FYB1: variants seen among roughly 807,000 people sequenced by gnomAD.
FYB1 encodes the protein FYN-binding protein 1.
FYB1 carries 41 observed loss-of-function variants against 94.1 expected under a neutral mutation model. The observed-to-expected ratio is 0.44, with a 90% CI of 0.34 to 0.57. The LOEUF is 0.57. Ranked by LOEUF, FYB1 falls within the 20% of genes least tolerant of loss-of-function variation. The pLI, the probability that FYB1 is intolerant of heterozygous loss-of-function variation, is 0.02. For missense variants in FYB1, 1,050 were observed against 976.8 expected (o/e 1.07, Z -1.00); for synonymous variants, 367 against 353.2 (o/e 1.04, Z -0.44).
intron 10 of FYB1, among the ~76,000 whole-genome samples, chr5:39,128,435 A>T (rs1412193056): frequency 3.3e-5 from 5 of 152,112 alleles, no homozygotes; most frequent in African/African-American, 1.2e-4. Context: ...TTAGTATGAG[A>T]ACTTTAGCAC....
intron 6 of FYB1, 48 bp downstream of exon 6, chr5:39,138,609 A>C (rs1741869462): frequency 8.4e-7 from 1 of 1,188,148 alleles, no homozygotes; most frequent in South Asian, 1.3e-5. Context: ...ACAAAACATT[A>C]TATTCATCTT....
intron 6 of FYB1, 174 bp downstream of exon 6, chr5:39,138,483 C>A (rs1741860166): frequency 4.1e-6 from 2 of 487,030 alleles, no homozygotes; most frequent in Admixed American, 4.0e-5. Context: ...TTGTAGAATT[C>A]TTAGAGAACT....
chr5:39,225,617 A>T (rs1262055152), intron 1 of FYB1, among the ~76,000 whole-genome samples: 1 of 152,202 alleles, frequency 6.6e-6, no homozygotes, highest in Admixed American at 6.5e-5. Context: ...CTTGTACGAA[A>T]TTTTTCTTAT....
chr5:39,186,980 C>G (rs1362493339), intron 2 of FYB1, among the ~76,000 whole-genome samples: 2 of 152,116 alleles, frequency 1.3e-5, no homozygotes, highest in East Asian at 3.9e-4. Flanking sequence ...TACTGGAACC[C>G]AAGTCTTTCT....
intron 1 of FYB1, 51 bp from the exon 2 acceptor site, chr5:39,203,038 A>G (rs968569361): frequency 6.5e-7 from 1 of 1,527,628 alleles, no homozygotes; most frequent in East Asian, 2.2e-5. Flanking sequence ...TCTTACTTGC[A>G]CAGTTTAAAA....
At chr5:39,241,257 C>T (rs1275572321) in intron 1 of FYB1, among the ~76,000 whole-genome samples, 1 of 152,132 alleles carries the variant, frequency 6.6e-6, no homozygotes, top group Non-Finnish European at 1.5e-5. Flanking sequence ...GTACAAAAAA[C>T]CCCTGTGATG....
At chr5:39,237,536 C>T (rs1751022862) in intron 1 of FYB1, among the ~76,000 whole-genome samples, 1 of 151,904 alleles carries the variant, frequency 6.6e-6, no homozygotes, top group South Asian at 2.1e-4. Context: ...AAGATATCAT[C>T]ATTTCTTGCA....
At chr5:39,196,614 G>C (rs766509597) in intron 2 of FYB1, among the ~76,000 whole-genome samples, 1 of 152,196 alleles carries the variant, frequency 6.6e-6, no homozygotes. Context: ...GGAGCTTATA[G>C]TGGTATTTAC....
intron 2 of FYB1, among the ~76,000 whole-genome samples, chr5:39,161,352 T>A (rs928361991): frequency 1.3e-5 from 2 of 152,128 alleles, no homozygotes. Context: ...CAGTAAAACA[T>A]TTAAGAAAAT....
intron 16 of FYB1, among the ~76,000 whole-genome samples, chr5:39,114,465 T>C (rs1739350091): frequency 6.6e-6 from 1 of 152,214 alleles, no homozygotes; most frequent in Admixed American, 6.5e-5. Flanking sequence ...TTAGTTGCTA[T>C]CATTACGAAT....
chr5:39,266,429 C>T (rs555396909), intron 1 of FYB1, among the ~76,000 whole-genome samples: 1 of 152,298 alleles, frequency 6.6e-6, no homozygotes, highest in Admixed American at 6.5e-5. Flanking sequence ...TGTCCAATGC[C>T]CATCAATCTA....
chr5:39,169,324 A>G (rs1490542470), intron 2 of FYB1: 6 of 775,132 alleles, frequency 7.7e-6, no homozygotes, highest in Non-Finnish European at 7.1e-6. Flanking sequence ...GCTATGGGGT[A>G]TCTTTGGAGA....
intron 2 of FYB1, among the ~76,000 whole-genome samples, chr5:39,195,280 C>T (rs1289988872): frequency 6.6e-6 from 1 of 152,158 alleles, no homozygotes; most frequent in Non-Finnish European, 1.5e-5. Context: ...TCCTTTTTCC[C>T]TGTGGTGGCT....
intron 14 of FYB1, among the ~76,000 whole-genome samples, chr5:39,120,633 C>G (rs891234789): frequency 1.3e-5 from 2 of 152,070 alleles, no homozygotes; most frequent in African/African-American, 4.8e-5. Flanking sequence ...GAACCATTCA[C>G]TAGAGTTAAA....
intron 1 of FYB1, among the ~76,000 whole-genome samples, chr5:39,258,423 A>C (rs770525310): frequency 1.3e-5 from 2 of 152,152 alleles, no homozygotes; most frequent in East Asian, 3.8e-4. Context: ...AACATGGTGA[A>C]ACCCCATCTC....
At chr5:39,133,696 G>A (rs1027300109) in intron 9 of FYB1, among the ~76,000 whole-genome samples, 6 of 152,040 alleles carry the variant, frequency 3.9e-5, no homozygotes, top group East Asian at 1.9e-4. Flanking sequence ...GGAATGGGCC[G>A]TGGAAAGTTG....
chr5:39,121,415 C>T (rs951591506), intron 14 of FYB1, among the ~76,000 whole-genome samples: 2 of 152,018 alleles, frequency 1.3e-5, no homozygotes, highest in African/African-American at 4.8e-5. Context: ...TTTTGATACT[C>T]TCTCTAGTTC....
intron 16 of FYB1, 93 bp from the exon 17 acceptor site, chr5:39,110,482 C>T: frequency 1.3e-6 from 1 of 755,612 alleles, no homozygotes. Flanking sequence ...AGAGAGTAAT[C>T]ATAGTATATT....
At chr5:39,141,471 G>T (rs138531095) in intron 3 of FYB1, among the ~76,000 whole-genome samples, 1,795 of 152,138 alleles carry the variant, frequency 0.012, 12 homozygotes, top group South Asian at 0.022. Context: ...CATTTAATTG[G>T]TTCTATGGTA....
Sources: gnomAD v4.1 joint callset for allele counts (sites outside exome capture counted in the v4.1 genomes callset) on GRCh38, gnomAD v4.1.1 for gene constraint, MANE v1.5 for transcripts, NCBI Gene and HGNC (gene_info 2026-07-23, HGNC 2026-07-21) for gene names.